The following SLC43A2 variants were observed in gnomAD, a reference collection of about 807,000 sequenced individuals.
SLC43A2 encodes solute carrier family 43 member 2.
A neutral mutation model predicts 63.2 loss-of-function variants in SLC43A2; 38 were observed. That is an observed-to-expected ratio of 0.60 (90% confidence interval 0.46 to 0.79). SLC43A2 has a LOEUF of 0.79. Ranked by LOEUF, SLC43A2 falls within the 30% of genes least tolerant of loss-of-function variation. The pLI is 0.00. For missense variants in SLC43A2, 644 were observed against 756.2 expected (o/e 0.85, Z 1.74); for synonymous variants, 322 against 331.0 (o/e 0.97, Z 0.30).
intron 5 of SLC43A2, among the ~76,000 whole-genome samples, chr17:1,603,794 A>AAAC (rs1183052478): frequency 6.6e-6 from 1 of 152,038 alleles, no homozygotes. Flanking sequence ...TCAAAAAACA[A>AAAC]AACAAAACAA....
In SLC43A2 at chr17:1,585,631, T is replaced by C. The variant is rs551884386; in HGVS notation, c.1217+282A>G. On this transcript the variant is annotated intron_variant, in intron 10 of 13. Coordinates refer to ENST00000301335, the MANE Select transcript of SLC43A2 (RefSeq NM_152346.3). ...TCCAACTCCTGGCCTCAAGTGATCT[T>C]CCTACCCCAGCCTTTCAAAGTGCTG... is the stretch of plus-strand genomic sequence containing the variant. The C allele has an allele frequency of 2.1e-4, 271 of 1,308,606 alleles. No individual in the cohort carries two copies. In the African/African-American group the frequency reaches 3.4e-3, roughly 16 times the overall value. 81.1% of individuals were successfully genotyped at this position (1,308,606 alleles called of 1,614,324 possible).
chr17:1,582,091 T>C (rs2076026731), intron 11 of SLC43A2, among the ~76,000 whole-genome samples: 1 of 150,302 alleles, frequency 6.7e-6, no homozygotes, highest in African/African-American at 2.5e-5. Flanking sequence ...TTTTGGTTTT[T>C]TTTTCTGAGA....
At chr17:1,614,754 G>T (rs1342534173) in intron 4 of SLC43A2, among the ~76,000 whole-genome samples, 1 of 152,146 alleles carries the variant, frequency 6.6e-6, no homozygotes, top group Non-Finnish European at 1.5e-5. Context: ...TTGGTGATGA[G>T]ATGGAAGTTG....
rs1168840640 is a variant in SLC43A2 at position 1,606,313 on chromosome 17, G to A, written c.501+6882C>T. On this transcript the variant is annotated intron_variant, in intron 5 of 13. Transcript: ENST00000301335. The surrounding 1 kb of genome is among the most constrained non-coding windows in gnomAD (Gnocchi z 4.7). Reference sequence around the variant, plus strand: ...TGCCCTCCTCTCCAGGATCTGAAGAGGGATGTTTATCCTCTTCACTTCCCT... The same window carrying A: ...TGCCCTCCTCTCCAGGATCTGAAGAAGGATGTTTATCCTCTTCACTTCCCT... Among the ~76,000 whole-genome samples, 1 of 152,162 alleles carries A rather than the reference G, an allele frequency of 6.6e-6. No homozygotes were observed. Among genetic ancestry groups the A allele is most frequent in the Non-Finnish European group, 1.5e-5 (1 of 68,024 alleles).
chr17:1,581,614 A>G (rs2076015384), intron 11 of SLC43A2, among the ~76,000 whole-genome samples: 1 of 152,064 alleles, frequency 6.6e-6, no homozygotes, highest in Non-Finnish European at 1.5e-5. Flanking sequence ...CTCAGGCTAC[A>G]CCTCTCTGGA....
At chr17:1,582,070 GT>G (rs1567611469) in intron 11 of SLC43A2, among the ~76,000 whole-genome samples, 4 of 148,808 alleles carry the variant, frequency 2.7e-5, no homozygotes, top group Non-Finnish European at 5.9e-5. Context: ...CTCCCAAAGT[GT>G]TTTGGTTTTT....
chr17:1,585,637 C>A, intron 10 of SLC43A2: 1 of 1,332,972 alleles, frequency 7.5e-7, no homozygotes, highest in Non-Finnish European at 9.8e-7. Context: ...ATCTTCCTAC[C>A]CCAGCCTTTC....
chr17:1,580,061 G>A (rs1415353263), intron 11 of SLC43A2, among the ~76,000 whole-genome samples: 3 of 151,998 alleles, frequency 2.0e-5, no homozygotes, highest in African/African-American at 7.3e-5. Context: ...CTAGTAGCTG[G>A]GATTACAGGT....
chr17:1,621,175 C>A lies in SLC43A2; in HGVS notation c.161-4406G>T, dbSNP rs1317687972. Among the ~76,000 whole-genome samples the A allele has an allele frequency of 3.3e-5, 5 of 152,150 alleles. 1 individual carries two copies. The highest frequency in any genetic ancestry group is 7.4e-5 in the Non-Finnish European group (5 of 68,018). On this transcript the variant is annotated intron_variant, in intron 2 of 13. Transcript: ENST00000301335. ...TCACAGAAGACGCACAAGATCTTTACAGAGGAATCAGGGAGAAAAGAGGGT... is the reference window on the plus strand; with the variant it reads ...TCACAGAAGACGCACAAGATCTTTAAAGAGGAATCAGGGAGAAAAGAGGGT...
In SLC43A2 at chr17:1,604,921, T is replaced by C. The variant is rs995810427; in HGVS notation, c.501+8274A>G. 5.9e-6 allele frequency: 9 copies of C among 1,527,976 alleles called. No homozygotes were observed. In the South Asian group the frequency reaches 1.1e-4, roughly 18 times the overall value. 94.7% of individuals were successfully genotyped at this position (1,527,976 alleles called of 1,614,324 possible). Reference sequence around the variant, plus strand: ...ACCGGTCTCAGCTGCGCATAATGGCTGTTCGAAGCCGCGGTGCCGGAGTGA... The same window carrying C: ...ACCGGTCTCAGCTGCGCATAATGGCCGTTCGAAGCCGCGGTGCCGGAGTGA... On this transcript the variant is annotated intron_variant, in intron 5 of 13. Coordinates refer to ENST00000301335, the MANE Select transcript of SLC43A2 (RefSeq NM_152346.3).
chr17:1,586,928 T>TCACCCCCC, intron 9 of SLC43A2: 7 of 1,232,914 alleles, frequency 5.7e-6, no homozygotes, highest in Non-Finnish European at 4.5e-6. Flanking sequence ...TCCCTGACAA[T>TCACCCCCC]CCCCCCCACC....
chr17:1,613,658 A>G (rs1484352699), intron 4 of SLC43A2, among the ~76,000 whole-genome samples: 3 of 152,016 alleles, frequency 2.0e-5, no homozygotes, highest in Admixed American at 6.6e-5. Context: ...GCTGGTCTCG[A>G]ACTCCTGGCC....
At position 1,619,464 on chromosome 17, in the gene SLC43A2, C is replaced by T. The variant is rs116564361; in HGVS notation, c.161-2695G>A. On this transcript the variant is annotated intron_variant, in intron 2 of 13. Transcript: ENST00000301335. ...GTGGAGCCACAGAAATACAACGTCA[C>T]CAACCAGATTCCCACCTCGGCCACT... Among the ~76,000 whole-genome samples, 860 of 152,328 alleles carry T rather than the reference C, an allele frequency of 5.6e-3. 10 individuals are homozygous for T. Among genetic ancestry groups the T allele is most frequent in the African/African-American group, 0.019 (802 of 41,572 alleles).
At chr17:1,617,928 G>A (rs1907827602) in intron 2 of SLC43A2, among the ~76,000 whole-genome samples, 1 of 152,242 alleles carries the variant, frequency 6.6e-6, no homozygotes, top group African/African-American at 2.4e-5. Context: ...TCCTGGCCGG[G>A]ACTGCTAGTT....
chr17:1,618,214 G>A (rs1343852872), intron 2 of SLC43A2, among the ~76,000 whole-genome samples: 2 of 152,262 alleles, frequency 1.3e-5, no homozygotes, highest in African/African-American at 2.4e-5. Flanking sequence ...GATGAAGAGC[G>A]TGGAACTGGA....
chr17:1,629,262 G>GGGTCACC (rs1188925605), upstream of SLC43A2, among the ~76,000 whole-genome samples: 6 of 151,954 alleles, frequency 3.9e-5, no homozygotes, highest in African/African-American at 1.2e-4. Context: ...CCCTGCGCGC[G>GGGTCACC]GGTCACCACG....
At position 1,578,158 on chromosome 17, in the gene SLC43A2, C is replaced by T; in HGVS notation, c.1424+92G>A. On this transcript the variant is annotated intron_variant, in intron 12 of 13. Transcript: ENST00000301335. The surrounding 1 kb of genome is among the most constrained non-coding windows in gnomAD (Gnocchi z 6.5). ...GATGAGCCCTTCTGGGACAGGCTGA[C>T]CCTGCCTCAGAGTCTCAGTCCCACC... 1 of 1,297,756 alleles carries T rather than the reference C, an allele frequency of 7.7e-7. No homozygotes were observed. Among genetic ancestry groups the T allele is most frequent in the Non-Finnish European group, 1.1e-6 (1 of 907,580 alleles). The allele number at this position is 1,297,756 out of a possible 1,614,324, so 80.4% of individuals were successfully genotyped here.
intron 5 of SLC43A2, among the ~76,000 whole-genome samples, chr17:1,599,782 C>T (rs550676390): frequency 5.9e-5 from 9 of 151,890 alleles, no homozygotes; most frequent in East Asian, 5.9e-4. Context: ...CGGTGGCTCA[C>T]GCCTGTAATC....
chr17:1,593,248 GT>G lies in SLC43A2; in HGVS notation c.532del (p.Thr178ArgfsTer5). 6.2e-7 allele frequency: 1 copy of G among 1,614,034 alleles called. No individual in the cohort carries two copies. The highest frequency in any genetic ancestry group is 8.5e-7 in the Non-Finnish European group (1 of 1,179,988). ...GGACCCAATCATCAAGGCAATAAAC[GT>G]GGACCGAAGGTCGCCGAACATGTTG... ...LPNMFGDLRS[T>X]FIALMIGSYA... On this transcript the variant is annotated frameshift_variant, in exon 6 of 14. Transcript: ENST00000301335. LOFTEE classifies it high-confidence loss of function. The surrounding 1 kb of genome is among the most constrained non-coding windows in gnomAD (Gnocchi z 5.3).
Sources: allele counts gnomAD v4.1 joint callset (sites outside exome capture counted in the v4.1 genomes callset), GRCh38; gene constraint gnomAD v4.1.1; non-coding constraint Gnocchi (gnomAD v3.1); transcripts MANE v1.5; gene names NCBI Gene and HGNC (gene_info 2026-07-23, HGNC 2026-07-21).